Variants in QKI observed in about 807,000 individuals in gnomAD.
QKI encodes the protein KH domain-containing RNA-binding protein QKI.
A neutral mutation model predicts 39.0 loss-of-function variants in QKI; 10 were observed. That is an observed-to-expected ratio of 0.26 (90% CI 0.16 to 0.43). QKI has a LOEUF of 0.43. QKI is among the 20% of genes least tolerant of loss of function. The pLI is 1.00. For missense variants in QKI, 218 were observed against 428.0 expected (o/e 0.51, Z 4.33); for synonymous variants, 204 against 155.4 (o/e 1.31, Z -2.33).
Position 163,415,165 on chromosome 6 carries a change from CG to C in QKI, c.-26del. Reference sequence around the variant, plus strand: ...TCTCCGGCGGCGGCGGCGGCGGCGGCGGGCGGAGTGAGCTGCGGAGCCTGGA... The same window carrying C: ...TCTCCGGCGGCGGCGGCGGCGGCGGCGGCGGAGTGAGCTGCGGAGCCTGGA... On this transcript the variant is annotated 5_prime_UTR_variant, in exon 1 of 8. Transcript: ENST00000361752. 1.4e-6 allele frequency: 2 copies of C among 1,431,892 alleles called. No individual in the cohort carries two copies. The highest frequency in any genetic ancestry group is 3.1e-5 in the East Asian group (1 of 32,366). 88.7% of individuals were successfully genotyped at this position (1,431,892 alleles called of 1,614,324 possible). A position where few individuals can be genotyped will look rare whatever the true frequency, so the allele number is the denominator to read the frequency against.
At chr6:163,569,364 G>A in intron 7 of QKI, 2 of 1,226,578 alleles carry the variant, frequency 1.6e-6, no homozygotes, top group Non-Finnish European at 2.1e-6. Context: ...CACCTTCTGG[G>A]CTTTGATTTA....
chr6:163,543,621 A>T (rs1465258386), intron 4 of QKI, among the ~76,000 whole-genome samples: 1 of 152,082 alleles, frequency 6.6e-6, no homozygotes, highest in Non-Finnish European at 1.5e-5. Context: ...GGCGGGTTTG[A>T]ATAAACTCAT....
At chr6:163,459,655 C>G (rs1253111830) in intron 2 of QKI, among the ~76,000 whole-genome samples, 1 of 152,124 alleles carries the variant, frequency 6.6e-6, no homozygotes, top group Non-Finnish European at 1.5e-5. Context: ...TTATAAGGTT[C>G]ACTTCATAGG....
At chr6:163,550,511 T>G (rs373378881) in intron 4 of QKI, among the ~76,000 whole-genome samples, 1 of 152,166 alleles carries the variant, frequency 6.6e-6, no homozygotes, top group African/African-American at 2.4e-5. Context: ...GTGGCTATTA[T>G]TATAAAACTG....
chr6:163,514,431 A>G (rs779913776), intron 3 of QKI, among the ~76,000 whole-genome samples: 1 of 152,144 alleles, frequency 6.6e-6, no homozygotes, highest in Non-Finnish European at 1.5e-5. Flanking sequence ...TAGAAATCCT[A>G]ACTTTTTTTC....
chr6:163,565,835 G>C lies in QKI; in HGVS notation c.935-886G>C. 2.1e-6 allele frequency: 3 copies of C among 1,456,680 alleles called. No homozygotes were observed. The South Asian group carries it at 4.6e-5, about 23-fold the overall frequency. The allele number at this position is 1,456,680 out of a possible 1,614,324, so 90.2% of individuals were successfully genotyped here. On this transcript the variant is annotated intron_variant, in intron 6 of 7. Transcript: ENST00000361752. ...ACATTAAATTATTTTAAAATAAGCA[G>C]TGCCCTTCAAAACAGATGCAGACAT...
chr6:163,495,051 G>C (rs1778320845), intron 3 of QKI, among the ~76,000 whole-genome samples: 1 of 151,912 alleles, frequency 6.6e-6, no homozygotes, highest in Non-Finnish European at 1.5e-5. Flanking sequence ...AGGTATCTGG[G>C]ATTATAGGAG....
chr6:163,423,555 A>G (rs932030475), intron 1 of QKI: 1 of 152,184 alleles, frequency 6.6e-6, no homozygotes, highest in African/African-American at 2.4e-5. Flanking sequence ...ATATTTCCAT[A>G]TGCTAAAAAT....
chr6:163,449,119 G>A (rs1222553603), intron 1 of QKI, among the ~76,000 whole-genome samples: 1 of 152,158 alleles, frequency 6.6e-6, no homozygotes, highest in African/African-American at 2.4e-5. Context: ...TGCTGTTTGT[G>A]TTAGTGAGCT....
At chr6:163,459,812 C>T (rs1791211570) in intron 2 of QKI, among the ~76,000 whole-genome samples, 1 of 152,076 alleles carries the variant, frequency 6.6e-6, no homozygotes, top group Admixed American at 6.5e-5. Context: ...TTATTGAAGA[C>T]TTTAAGTTTC....
intron 4 of QKI, among the ~76,000 whole-genome samples, chr6:163,542,618 C>G (rs1781607242): frequency 6.6e-6 from 1 of 151,998 alleles, no homozygotes; most frequent in African/African-American, 2.4e-5. Context: ...TTAAAACAGA[C>G]TTTGGCACAC....
At chr6:163,528,930 C>G (rs1342966969) in intron 3 of QKI, among the ~76,000 whole-genome samples, 1 of 152,138 alleles carries the variant, frequency 6.6e-6, no homozygotes, top group Non-Finnish European at 1.5e-5. Flanking sequence ...CCTGTGCTGT[C>G]ACTTTGCTGT....
Position 163,570,851 on chromosome 6 carries a change from C to G in QKI, c.*141C>G, listed in dbSNP as rs915289655. 1.9e-6 allele frequency: 2 copies of G among 1,078,304 alleles called. No homozygotes were observed. Among genetic ancestry groups the G allele is most frequent in the Admixed American group, 2.6e-5 (1 of 37,894 alleles). 66.8% of individuals were successfully genotyped at this position (1,078,304 alleles called of 1,614,324 possible). On this transcript the variant is annotated 3_prime_UTR_variant, in exon 8 of 8. Transcript: ENST00000361752. Reference sequence around the variant, plus strand: ...GGCACTTGTCCGTTCGTCTTACCATCTAACCAAACAAAAGACAAAGAAATT... The same window carrying G: ...GGCACTTGTCCGTTCGTCTTACCATGTAACCAAACAAAAGACAAAGAAATT...
chr6:163,415,162 C>T lies in QKI; in HGVS notation c.-32C>T. 9 of 1,418,934 alleles carry T rather than the reference C, an allele frequency of 6.3e-6. No individual in the cohort carries two copies. Among genetic ancestry groups the T allele is most frequent in the Admixed American group, 2.2e-5 (1 of 45,064 alleles). 87.9% of individuals were successfully genotyped at this position (1,418,934 alleles called of 1,614,324 possible). Reference sequence around the variant, plus strand: ...TCCTCTCCGGCGGCGGCGGCGGCGGCGGCGGGCGGAGTGAGCTGCGGAGCC... The same window carrying T: ...TCCTCTCCGGCGGCGGCGGCGGCGGTGGCGGGCGGAGTGAGCTGCGGAGCC... On this transcript the variant is annotated 5_prime_UTR_variant, in exon 1 of 8. Transcript: ENST00000361752.
chr6:163,529,529 G>GA lies in QKI; in HGVS notation c.403-5445dup, dbSNP rs1169669863. On this transcript the variant is annotated intron_variant, in intron 3 of 7. Coordinates refer to ENST00000361752, the MANE Select transcript of QKI (RefSeq NM_006775.3). The stretch of plus-strand genomic sequence containing the variant: ...GATAACTAAGTTACTATATAATACA[G>GA]AAAAAAAAGAAATAAAAGTAAATAT... 7.9e-5 allele frequency among the ~76,000 whole-genome samples: 12 copies of GA among 151,464 alleles called. No homozygotes were observed. In the South Asian group the frequency reaches 1.5e-3, roughly 18 times the overall value.
intron 3 of QKI, among the ~76,000 whole-genome samples, chr6:163,496,480 A>G (rs990432534): frequency 1.2e-4 from 19 of 152,108 alleles, no homozygotes; most frequent in African/African-American, 4.3e-4. Context: ...TAACTACTAC[A>G]TTGTGCCTTT....
intron 3 of QKI, among the ~76,000 whole-genome samples, chr6:163,509,138 AGTC>A (rs1779281214): frequency 6.6e-6 from 1 of 151,716 alleles, no homozygotes; most frequent in Non-Finnish European, 1.5e-5. Context: ...ACTCCGTCTC[AGTC>A]AGTCAGTCAA....
intron 1 of QKI, chr6:163,415,889 A>C: frequency 2.0e-6 from 1 of 512,160 alleles, no homozygotes; most frequent in Non-Finnish European, 3.9e-6. Context: ...TTCAATACTA[A>C]GTGGAAGTCA....
At chr6:163,415,483 GGTGCC>G (rs1361345064) in intron 1 of QKI, 148 bp downstream of exon 1, 4 of 696,200 alleles carry the variant, frequency 5.7e-6, no homozygotes, top group Non-Finnish European at 7.9e-6. Context: ...GCACAAAGGA[GGTGCC>G]GGGCCGGGCT....
Sources: allele counts gnomAD v4.1 joint callset (sites outside exome capture counted in the v4.1 genomes callset), GRCh38; gene constraint gnomAD v4.1.1; transcripts MANE v1.5; gene names NCBI Gene and HGNC (gene_info 2026-07-23, HGNC 2026-07-21).